The following PSD2 variants were observed in gnomAD, a reference collection of about 807,000 sequenced individuals.
The protein encoded by PSD2 is PH and SEC7 domain-containing protein 2.
A neutral mutation model predicts 69.8 loss-of-function variants in PSD2; 38 were observed. The ratio of observed to expected loss-of-function variants is 0.54; its 90% CI spans 0.42 to 0.71. The LOEUF (loss-of-function observed/expected upper bound fraction) is 0.71. Ranked by LOEUF, PSD2 falls within the 30% of genes least tolerant of loss-of-function variation. The pLI is 0.00. For synonymous variants in PSD2, 412 were observed against 423.0 expected (o/e 0.97, Z 0.32); for missense variants, 943 against 1,014.5 (o/e 0.93, Z 0.96).
chr5:139,771,471 T>C, the PSD2 span, among the ~76,000 whole-genome samples: 5 of 152,084 alleles, frequency 3.3e-5, no homozygotes, highest in Non-Finnish European at 5.9e-5. Context: ...CTCCGCCTCC[T>C]GGGTTCACGC....
In PSD2 at chr5:139,830,600, CTT is replaced by C. The variant is rs1268603510; in HGVS notation, c.1270-3100_1270-3099del. Among the ~76,000 whole-genome samples, 10 of 122,662 alleles carry C rather than the reference CTT, an allele frequency of 8.2e-5. No homozygotes were observed. The East Asian group carries it at 9.1e-4, about 11-fold the overall frequency. 80.5% of individuals were successfully genotyped at this position (122,662 alleles called of 152,430 possible). A position where few individuals can be genotyped will look rare whatever the true frequency, so the allele number is the denominator to read the frequency against. ...TTTCTTTCTTTCTTTCTTTTTCTTT[CTT>C]TCTTTCTCTTTCTTTCTTTCTTTCT... On this transcript the variant is annotated intron_variant, in intron 7 of 14. Transcript: ENST00000274710.
intron 2 of PSD2, among the ~76,000 whole-genome samples, chr5:139,811,348 T>C (rs932278104): frequency 1.3e-5 from 2 of 151,966 alleles, no homozygotes; most frequent in African/African-American, 4.8e-5. Flanking sequence ...GCCAAGGAGA[T>C]GTTCGAGGGG....
the PSD2 span, among the ~76,000 whole-genome samples, chr5:139,757,095 G>T: frequency 6.6e-6 from 1 of 152,244 alleles, no homozygotes; most frequent in African/African-American, 2.4e-5. Flanking sequence ...CAGGCCCATA[G>T]ATTGCATGAA....
At chr5:139,826,381 AGAGAGAAGG>A in intron 7 of PSD2, among the ~76,000 whole-genome samples, 1 of 152,236 alleles carries the variant, frequency 6.6e-6, no homozygotes. Context: ...CCACTGCAGG[AGAGAGAAGG>A]GACAGTGGAA....
Position 139,809,741 on chromosome 5 carries a change from G to C in PSD2, c.301G>C (p.Ala101Pro), listed in dbSNP as rs752601301. Residue 101 changes from alanine to proline, a missense_variant, in exon 2 of 15, where the codon GCT (alanine) becomes CCT (proline). By Grantham distance (27) the Ala-to-Pro change is conservative. This residue lies in a region of PSD2 where 466 missense variants were observed against 445.0 expected (regional missense o/e 1.05). Coordinates refer to ENST00000274710, the MANE Select transcript of PSD2 (RefSeq NM_032289.4). The part of the protein sequence containing the change: ...EDSAESRPWR[A>P]GVLAEGDNAS... ...TTCAGCGGAGTCCAGGCCCTGGAGG[G>C]CTGGCGTGCTGGCAGAGGGGGACAA... 6.2e-7 allele frequency: 1 copy of C among 1,614,200 alleles called. No homozygotes were observed.
chr5:139,766,451 C>T, the PSD2 span, among the ~76,000 whole-genome samples: 1 of 152,184 alleles, frequency 6.6e-6, no homozygotes, highest in African/African-American at 2.4e-5. Flanking sequence ...TGGGGGGCAC[C>T]CTCTCCCTGT....
In PSD2 at chr5:139,837,218, A is replaced by T. The variant is rs1299115164; in HGVS notation, c.1645A>T (p.Thr549Ser). The change falls in exon 11 of 15, where the codon ACC becomes TCC. Residue 549 changes from threonine (T) to serine (S), a missense_variant. This residue lies in a region of PSD2 where 312 missense variants were observed against 400.7 expected (regional missense o/e 0.78). Coordinates refer to ENST00000274710, the MANE Select transcript of PSD2 (RefSeq NM_032289.4). The surrounding 1 kb of genome is among the most constrained non-coding windows in gnomAD (Gnocchi z 5.0). ...GAAATTCTACGCAGTGCTCAAAGGG[A>T]CCATCCTGTACCTGCAGAAGGTGAG... ...WKKFYAVLKG[T>S]ILYLQKDEYR... 5 of 1,613,772 alleles carry T rather than the reference A, an allele frequency of 3.1e-6. No individual in the cohort carries two copies. The African/African-American group carries it at 4.0e-5, about 13-fold the overall frequency.
Position 139,820,398 on chromosome 5 carries a change from G to A in PSD2, c.1098-1495G>A, listed in dbSNP as rs112027224. Among the ~76,000 whole-genome samples the A allele has an allele frequency of 6.8e-3, 1,034 of 152,248 alleles. 7 individuals carry two copies. The highest frequency in any genetic ancestry group is 0.01 in the Non-Finnish European group (695 of 68,008). On this transcript the variant is annotated intron_variant, in intron 5 of 14. Transcript: ENST00000274710. ...CAAGAGAGACAGGGAGAGGAGGACAGCGAGCTGTCAGACAGGGCAGTGCTA... is the reference window on the plus strand; with the variant it reads ...CAAGAGAGACAGGGAGAGGAGGACAACGAGCTGTCAGACAGGGCAGTGCTA...
the PSD2 span, among the ~76,000 whole-genome samples, chr5:139,787,970 G>A: frequency 2.6e-5 from 4 of 152,226 alleles, no homozygotes; most frequent in Non-Finnish European, 4.4e-5. Context: ...TGATTTTTGA[G>A]TGCCTGCGGC....
chr5:139,842,692 C>T lies in PSD2; in HGVS notation c.*218C>T, dbSNP rs1760906146. 3 of 559,418 alleles carry T rather than the reference C, an allele frequency of 5.4e-6. No individual in the cohort carries two copies. The highest frequency in any genetic ancestry group is 9.6e-6 in the Non-Finnish European group (3 of 313,670). 34.7% of individuals were successfully genotyped at this position (559,418 alleles called of 1,614,324 possible). ...CGGGCATCAGACCCTCTCCCTGGCC[C>T]TTGTTTTCCTCTCCACCATGGAGCC... On this transcript the variant is annotated 3_prime_UTR_variant, in exon 15 of 15. Transcript: ENST00000274710.
intron 7 of PSD2, among the ~76,000 whole-genome samples, chr5:139,828,092 T>G (rs1423227750): frequency 6.6e-6 from 1 of 151,910 alleles, no homozygotes; most frequent in East Asian, 1.9e-4. Context: ...TGGGATGCAC[T>G]GAGTGGGGGA....
At chr5:139,834,298 A>G (rs1335463373) in intron 8 of PSD2, among the ~76,000 whole-genome samples, 1 of 151,914 alleles carries the variant, frequency 6.6e-6, no homozygotes, top group Non-Finnish European at 1.5e-5. Flanking sequence ...TTATTTTTAT[A>G]TTTTTGAGAC....
At chr5:139,824,668 T>A (rs1760371523) in intron 7 of PSD2, among the ~76,000 whole-genome samples, 1 of 152,210 alleles carries the variant, frequency 6.6e-6, no homozygotes, top group African/African-American at 2.4e-5. Flanking sequence ...ACACGAAGGC[T>A]GTGTGGCCTG....
intron 2 of PSD2, among the ~76,000 whole-genome samples, 166 bp downstream of exon 2, chr5:139,809,977 C>A (rs1222115419): frequency 6.6e-6 from 1 of 151,820 alleles, no homozygotes; most frequent in African/African-American, 2.4e-5. Context: ...AAGGACAGAG[C>A]CTTGACGGAG....
the PSD2 span, chr5:139,742,545 C>T: frequency 6.6e-6 from 1 of 152,566 alleles, no homozygotes; most frequent in African/African-American, 2.4e-5. Flanking sequence ...CTATGGACCT[C>T]AGGGCCCCCG....
At chr5:139,805,851 G>T (rs189052978) in intron 1 of PSD2, among the ~76,000 whole-genome samples, 6 of 152,308 alleles carry the variant, frequency 3.9e-5, no homozygotes, top group Admixed American at 2.0e-4. Flanking sequence ...ACCTTTTCAG[G>T]CCATGCTGGG....
rs532221101 is a variant in PSD2, at chr5:139,808,672, C to T, written c.-50-719C>T. On this transcript the variant is annotated intron_variant, in intron 1 of 14. Coordinates refer to ENST00000274710, the MANE Select transcript of PSD2 (RefSeq NM_032289.4). ...GGGAACCCCAGGCCTCCTCCTTCCTCCCAGACAGCTGGGGCTCTGGGCGCT... is the reference window on the plus strand; with the variant it reads ...GGGAACCCCAGGCCTCCTCCTTCCTTCCAGACAGCTGGGGCTCTGGGCGCT... Among the ~76,000 whole-genome samples the T allele has an allele frequency of 1.4e-4, 21 of 152,324 alleles. No homozygotes were observed. The East Asian group carries it at 4.1e-3, about 29-fold the overall frequency.
intron 4 of PSD2, among the ~76,000 whole-genome samples, chr5:139,816,218 T>A (rs1166345613): frequency 6.6e-6 from 1 of 152,212 alleles, no homozygotes; most frequent in Non-Finnish European, 1.5e-5. Context: ...TATCTCCAAC[T>A]GATAAGGATC....
chr5:139,836,697 G>T, intron 9 of PSD2, 114 bp from the exon 10 acceptor site: 1 of 854,540 alleles, frequency 1.2e-6, no homozygotes. Context: ...GCCTCCTGGG[G>T]CTGCTCTTCC....
Sources: allele counts gnomAD v4.1 joint callset (sites outside exome capture counted in the v4.1 genomes callset), GRCh38; gene constraint gnomAD v4.1.1; regional missense constraint gnomAD v4.1.1; non-coding constraint Gnocchi (gnomAD v3.1); transcripts MANE v1.5; gene names NCBI Gene and HGNC (gene_info 2026-07-23, HGNC 2026-07-21).